Variants in WARS2 observed in about 807,000 individuals in gnomAD.
WARS2 encodes tryptophan--tRNA ligase, mitochondrial.
A neutral mutation model predicts 36.5 loss-of-function variants in WARS2; 28 were observed. The observed-to-expected ratio is 0.77, with a 90% confidence interval of 0.57 to 1.05. WARS2 has a LOEUF of 1.05. Among genes scored for constraint, WARS2 ranks in the 50% least tolerant of loss-of-function variants. The pLI is 0.00. For missense variants in WARS2, 435 were observed against 456.8 expected (o/e 0.95, Z 0.44); for synonymous variants, 174 against 178.4 (o/e 0.98, Z 0.20).
intron 1 of WARS2, among the ~76,000 whole-genome samples, chr1:119,090,018 G>A (rs1025413289): frequency 6.6e-6 from 1 of 152,046 alleles, no homozygotes; most frequent in African/African-American, 2.4e-5. Context: ...AATGGATGCT[G>A]GGCTTAATAC....
chr1:119,095,730 CAGT>C (rs1218788616), intron 1 of WARS2, among the ~76,000 whole-genome samples: 1 of 152,190 alleles, frequency 6.6e-6, no homozygotes, highest in Non-Finnish European at 1.5e-5. Context: ...TGCACCCAGC[CAGT>C]AGTCCAATAT....
chr1:119,091,426 C>A (rs1653035502), intron 1 of WARS2, among the ~76,000 whole-genome samples: 1 of 152,088 alleles, frequency 6.6e-6, no homozygotes, highest in South Asian at 2.1e-4. Flanking sequence ...ATGACTTGAA[C>A]CCAGGTCGAT....
chr1:119,034,264 C>G (rs759827971), intron 4 of WARS2, 51 bp from the exon 5 acceptor site: 4 of 1,453,424 alleles, frequency 2.8e-6, no homozygotes, highest in Non-Finnish European at 3.8e-6. Flanking sequence ...TTCTTAGAGA[C>G]AGAAATGATA....
intron 1 of WARS2, among the ~76,000 whole-genome samples, chr1:119,118,437 A>G (rs1019764205): frequency 3.9e-5 from 6 of 152,104 alleles, no homozygotes; most frequent in African/African-American, 7.2e-5. Context: ...GATTATGTTA[A>G]ATGACCAAAC....
intron 1 of WARS2, among the ~76,000 whole-genome samples, chr1:119,099,445 T>A (rs1653700050): frequency 6.6e-6 from 1 of 152,228 alleles, no homozygotes; most frequent in African/African-American, 2.4e-5. Context: ...TATTTTGAAA[T>A]CTAGTTCCTT....
intron 1 of WARS2, among the ~76,000 whole-genome samples, chr1:119,139,423 G>T (rs1343809857): frequency 6.6e-6 from 1 of 152,014 alleles, no homozygotes; most frequent in Non-Finnish European, 1.5e-5. Context: ...GCTTTGTTTT[G>T]GCTTCATAAT....
chr1:119,078,897 C>CGTGTGT (rs144044142), intron 1 of WARS2, among the ~76,000 whole-genome samples: 21 of 148,430 alleles, frequency 1.4e-4, no homozygotes, highest in Non-Finnish European at 2.8e-4. Context: ...TGAAGGTGCA[C>CGTGTGT]GTGTGTGTGT....
intron 1 of WARS2, among the ~76,000 whole-genome samples, chr1:119,086,930 C>T (rs1029821246): frequency 7.2e-5 from 11 of 151,948 alleles, no homozygotes; most frequent in Non-Finnish European, 5.9e-5. Flanking sequence ...CTAGAATGCC[C>T]TTTCACCTCT....
chr1:119,123,574 GTGCAAGAGCATGCACTTGTGTGCA>G (rs1655465523), intron 1 of WARS2, among the ~76,000 whole-genome samples: 1 of 151,654 alleles, frequency 6.6e-6, no homozygotes, highest in South Asian at 2.1e-4. Context: ...TTTTGACTGT[GTGCAAGAGCATGCACTTGTGTGCA>G]TGCAAACACA....
intron 2 of WARS2, among the ~76,000 whole-genome samples, chr1:119,075,256 C>T (rs1454436979): frequency 6.6e-6 from 1 of 151,752 alleles, no homozygotes; most frequent in Non-Finnish European, 1.5e-5. Context: ...TACAGTATAA[C>T]AACTATTTGC....
In WARS2 at chr1:119,042,326, G is replaced by A. The variant is rs33960696; in HGVS notation, c.453C>T (p.His151=). 0.068 allele frequency: 109,870 copies of A among 1,613,244 alleles called. 4,256 individuals carry two copies. Among genetic ancestry groups the A allele is most frequent in the South Asian group, 0.12 (10,689 of 91,012 alleles). Reference sequence around the variant, plus strand: ...ATGTGAGCAGGCCCACCGTGCCATCGTGCTTCTGCTTGGTAGTCTTTGCCT... The same window carrying A: ...ATGTGAGCAGGCCCACCGTGCCATCATGCTTCTGCTTGGTAGTCTTTGCCT... The part of the protein sequence containing the change: ...QWKAKTTKQK[H]DGTVGLLTYP... The change falls in exon 4 of 6, where the codon CAC becomes CAT. Residue 151 remains histidine (H), a synonymous_variant. Coordinates refer to ENST00000235521, the MANE Select transcript of WARS2 (RefSeq NM_015836.4).
rs754687998 is a variant in WARS2, at chr1:119,076,582, G to C, written c.116C>G (p.Ser39Cys). The change falls in exon 2 of 6, where the codon TCC (serine) becomes TGC (cysteine). Residue 39 changes from serine to cysteine, a missense_variant. Coordinates refer to ENST00000235521, the MANE Select transcript of WARS2 (RefSeq NM_015836.4). ...GAGGATTCCTGTAGGTTGAATGCCG[G>C]AAAATACTCGCTTCTTGCTGTCTTT... Reference protein sequence around the residue: ...LQKDSKKRVFSGIQPTGILHL... With the variant: ...LQKDSKKRVFCGIQPTGILHL... 4 of 1,614,094 alleles carry C rather than the reference G, an allele frequency of 2.5e-6. No homozygotes were observed. The Admixed American group carries it at 6.7e-5, about 27-fold the overall frequency.
intron 1 of WARS2, among the ~76,000 whole-genome samples, chr1:119,122,673 G>T (rs587621202): frequency 6.6e-6 from 1 of 152,080 alleles, no homozygotes; most frequent in Non-Finnish European, 1.5e-5. Flanking sequence ...GGTAAAGAAA[G>T]TGTGGCATAT....
chr1:119,098,507 G>A (rs1332067570), intron 1 of WARS2, among the ~76,000 whole-genome samples: 3 of 148,308 alleles, frequency 2.0e-5, no homozygotes, highest in Admixed American at 6.7e-5. Flanking sequence ...GCACGATCTC[G>A]GCTCACTGCA....
chr1:119,098,288 T>A (rs1283520231), intron 1 of WARS2, among the ~76,000 whole-genome samples: 1 of 152,044 alleles, frequency 6.6e-6, no homozygotes, highest in South Asian at 2.1e-4. Flanking sequence ...TACATTAAAT[T>A]TAATAAAATA....
In WARS2 at chr1:119,045,745, A is replaced by G. The variant is rs997477381; in HGVS notation, c.349-83T>C. The G allele has an allele frequency of 3.6e-5, 38 of 1,061,950 alleles. No homozygotes were observed. The African/African-American group carries it at 3.9e-4, about 11-fold the overall frequency. 65.8% of individuals were successfully genotyped at this position (1,061,950 alleles called of 1,614,324 possible). On this transcript the variant is annotated intron_variant, in intron 2 of 5. Coordinates refer to ENST00000235521, the MANE Select transcript of WARS2 (RefSeq NM_015836.4). The stretch of plus-strand genomic sequence containing the variant: ...AGAACTAAGTAGTAAGTATTACCCT[A>G]AATGTCTGAAAATACCCCAAATTAA...
intron 1 of WARS2, among the ~76,000 whole-genome samples, chr1:119,100,119 CA>C (rs35207996): frequency 0.056 from 8,464 of 152,122 alleles, 257 homozygotes; most frequent in South Asian, 0.081. Context: ...AAATGAAAAG[CA>C]ATCCCATTAA....
intron 1 of WARS2, among the ~76,000 whole-genome samples, chr1:119,077,909 AACC>A (rs1482373936): frequency 6.6e-6 from 1 of 152,226 alleles, no homozygotes; most frequent in African/African-American, 2.4e-5. Context: ...TATCATTTTT[AACC>A]ACCACCACAG....
chr1:119,033,920 C>T (rs202201069), intron 5 of WARS2, among the ~76,000 whole-genome samples, 175 bp downstream of exon 5: 1 of 152,244 alleles, frequency 6.6e-6, no homozygotes, highest in African/African-American at 2.4e-5. Context: ...AGGAATCCAA[C>T]GTAGTCTACT....
Sources: allele counts gnomAD v4.1 joint callset (sites outside exome capture counted in the v4.1 genomes callset), GRCh38; gene constraint gnomAD v4.1.1; transcripts MANE v1.5; gene names NCBI Gene and HGNC (gene_info 2026-07-23, HGNC 2026-07-21).